MSN: variants seen among roughly 807,000 people sequenced by gnomAD.
The protein encoded by MSN is epididymis luminal protein 70.
Under a neutral mutation model 48.0 loss-of-function variants are expected in MSN, and 2 were observed. The observed-to-expected ratio is 0.04, with a 90% CI of 0.02 to 0.13. The LOEUF (loss-of-function observed/expected upper bound fraction) is 0.13, where lower values mean the gene tolerates loss of function less well. MSN is among the 10% of genes least tolerant of loss of function. The probability of loss-of-function intolerance (pLI) is 1.00; values close to 1 mark genes in which losing one functional copy is unlikely to be tolerated. For missense variants in MSN, 267 were observed against 470.1 expected (o/e 0.57, Z 3.99); for synonymous variants, 146 against 166.9 (o/e 0.87, Z 0.97).
intron 1 of MSN, among the ~76,000 whole-genome samples, chrX:65,659,645 C>A (rs748024315): frequency 9.0e-6 from 1 of 111,522 alleles, no homozygotes; most frequent in Admixed American, 9.6e-5. Context: ...ATGCCCCCGG[C>A]TTCCTTGGAC....
chrX:65,709,318 A>G (rs999017842), intron 1 of MSN, among the ~76,000 whole-genome samples: 1 of 112,289 alleles, frequency 8.9e-6, no homozygotes, highest in East Asian at 2.8e-4. Flanking sequence ...GGAGACAGGA[A>G]TGGGAATTCT....
At chrX:65,602,228 C>A (rs1022825794) in intron 1 of MSN, among the ~76,000 whole-genome samples, 1 of 111,750 alleles carries the variant, frequency 8.9e-6, no homozygotes, top group African/African-American at 3.3e-5. Context: ...GGAGACAACA[C>A]AGGTAGTGGG....
At chrX:65,612,503 G>A (rs1380981030) in intron 1 of MSN, among the ~76,000 whole-genome samples, 1 of 110,090 alleles carries the variant, frequency 9.1e-6, no homozygotes, top group Non-Finnish European at 1.9e-5. Flanking sequence ...TATATAATTT[G>A]CAACTATTTT....
At chrX:65,619,033 G>A (rs1445653013) in intron 1 of MSN, among the ~76,000 whole-genome samples, 2 of 99,954 alleles carry the variant, frequency 2.0e-5, no homozygotes, top group Non-Finnish European at 4.0e-5. Context: ...TTGAATATTG[G>A]CCCCCACTCT....
At chrX:65,645,112 C>T (rs1261687699) in intron 1 of MSN, among the ~76,000 whole-genome samples, 1 of 111,888 alleles carries the variant, frequency 8.9e-6, no homozygotes, top group East Asian at 2.8e-4. Context: ...CCACCCTCCC[C>T]TGTCTGGGCT....
chrX:65,641,550 GTATATATATATATATATATATATATA>G (rs1168302693), intron 1 of MSN, among the ~76,000 whole-genome samples: 158 of 15,395 alleles, frequency 0.01, 7 homozygotes, highest in African/African-American at 0.028. Flanking sequence ...AAAAAGTGAA[GTATATATATATATATATATATATATA>G]TATATATATA....
intron 1 of MSN, among the ~76,000 whole-genome samples, chrX:65,608,307 C>T: frequency 9.0e-6 from 1 of 111,464 alleles, no homozygotes; most frequent in Non-Finnish European, 1.9e-5. Context: ...AGTGAAGAAC[C>T]TCTGTACCCA....
intron 1 of MSN, among the ~76,000 whole-genome samples, chrX:65,617,470 C>G (rs1279619869): frequency 4.8e-5 from 5 of 104,122 alleles, no homozygotes; most frequent in African/African-American, 2.1e-4. Flanking sequence ...TGCATTTCTT[C>G]TAGATTTTCT....
intron 1 of MSN, among the ~76,000 whole-genome samples, chrX:65,648,291 G>A (rs1367726963): frequency 8.9e-6 from 1 of 112,217 alleles, no homozygotes; most frequent in Non-Finnish European, 1.9e-5. Flanking sequence ...GGTGGCTCAC[G>A]CCTGTAATCC....
At position 65,677,108 on chromosome X, in the gene MSN, G is replaced by A. The variant is rs2300488; in HGVS notation, c.12+9255G>A. On this transcript the variant is annotated intron_variant, in intron 1 of 12. Transcript: ENST00000360270. ...CTCCCAAAGTGCTGGGATTACAAGC[G>A]TGAGGCACTGCGCCTGGCTGATCCA... Among the ~76,000 whole-genome samples, 54 of 111,956 alleles carry A rather than the reference G, an allele frequency of 4.8e-4. 1 individual carries two copies. In the East Asian group the frequency reaches 0.015, roughly 30 times the overall value.
At position 65,589,421 on chromosome X, in the gene MSN, G is replaced by C. The variant is rs2070126227; in HGVS notation, c.-22+809G>C. Among the ~76,000 whole-genome samples, 6 of 111,816 alleles carry C rather than the reference G, an allele frequency of 5.4e-5. No individual in the cohort carries two copies. The Admixed American group carries it at 5.7e-4, about 11-fold the overall frequency. On this transcript the variant is annotated intron_variant, in intron 1 of 3. Transcript: ENST00000609672. ...CTGGTTTTTCTCCTGGAATCGCTGGGCCCAGGAGAGACTGGCCAGTCACCG... is the reference window on the plus strand; with the variant it reads ...CTGGTTTTTCTCCTGGAATCGCTGGCCCCAGGAGAGACTGGCCAGTCACCG...
chrX:65,591,356 T>A (rs1342516425), intron 1 of MSN, among the ~76,000 whole-genome samples: 1 of 111,908 alleles, frequency 8.9e-6, no homozygotes, highest in Non-Finnish European at 1.9e-5. Flanking sequence ...GAGATGTCTA[T>A]CCCCTGTCTG....
chrX:65,686,679 CCTT>C (rs1305933075), intron 1 of MSN, among the ~76,000 whole-genome samples: 15 of 111,960 alleles, frequency 1.3e-4, no homozygotes, highest in African/African-American at 4.6e-4. Context: ...TGGAGAAATC[CCTT>C]AACCTCCCTG....
chrX:65,654,408 C>T (rs2070767156), intron 1 of MSN, among the ~76,000 whole-genome samples: 1 of 110,377 alleles, frequency 9.1e-6, no homozygotes, highest in East Asian at 2.8e-4. Flanking sequence ...GGCGAGCCAC[C>T]ACGCCTGGCC....
intron 1 of MSN, among the ~76,000 whole-genome samples, chrX:65,691,362 A>G (rs1380232800): frequency 8.9e-6 from 1 of 111,915 alleles, no homozygotes; most frequent in Non-Finnish European, 1.9e-5. Flanking sequence ...ATGGAAGCTA[A>G]CAGGGGAGGA....
chrX:65,691,246 A>C (rs761419489), intron 1 of MSN, among the ~76,000 whole-genome samples: 2 of 111,300 alleles, frequency 1.8e-5, no homozygotes, highest in Non-Finnish European at 3.8e-5. Context: ...CACACTTTGC[A>C]GGGGTTCAAT....
At chrX:65,696,556 G>A (rs1038373943) in intron 1 of MSN, among the ~76,000 whole-genome samples, 6 of 110,673 alleles carry the variant, frequency 5.4e-5, no homozygotes, top group Admixed American at 1.9e-4. Flanking sequence ...CCAAACATTC[G>A]GGGCTGGGGG....
upstream of MSN, among the ~76,000 whole-genome samples, chrX:65,664,903 C>A (rs61570609): frequency 1.8e-5 from 2 of 110,042 alleles, no homozygotes; most frequent in South Asian, 8.0e-4. Flanking sequence ...GCACATGCCA[C>A]CACACCCAGC....
intron 1 of MSN, among the ~76,000 whole-genome samples, chrX:65,679,390 C>G (rs758702330): frequency 1.8e-5 from 2 of 112,031 alleles, no homozygotes; most frequent in Non-Finnish European, 3.8e-5. Context: ...TTTCCCCTTC[C>G]TCTATCTGAA....
Sources: gnomAD v4.1 joint callset for allele counts (sites outside exome capture counted in the v4.1 genomes callset) on GRCh38, gnomAD v4.1.1 for gene constraint, MANE v1.5 for transcripts, NCBI Gene and HGNC (gene_info 2026-07-23, HGNC 2026-07-21) for gene names.